Variants in DNAH8 observed in about 807,000 individuals in gnomAD.
The protein encoded by DNAH8 is dynein axonemal heavy chain 8.
DNAH8 carries 382 observed loss-of-function variants against 562.1 expected under a neutral mutation model. That is an observed-to-expected ratio of 0.68 (90% confidence interval 0.63 to 0.74). The LOEUF is 0.74. Among genes scored for constraint, DNAH8 ranks in the 30% least tolerant of loss-of-function variants. The pLI, the probability that DNAH8 is intolerant of heterozygous loss-of-function variation, is 0.00. For missense variants in DNAH8, 5,203 were observed against 5,620.4 expected, an observed-to-expected ratio of 0.93 and a Z score of 2.37; for synonymous variants, 1,881 against 1,919.4, an observed-to-expected ratio of 0.98 and a Z score of 0.52.
chr6:38,897,639 GC>G (rs1387751518), intron 60 of DNAH8, among the ~76,000 whole-genome samples: 1 of 152,108 alleles, frequency 6.6e-6, no homozygotes, highest in Non-Finnish European at 1.5e-5. Context: ...ATAGAGCCGG[GC>G]GAGGTGGTTT....
At chr6:38,999,575 T>C (rs1196247749) in intron 88 of DNAH8, among the ~76,000 whole-genome samples, 1 of 152,058 alleles carries the variant, frequency 6.6e-6, no homozygotes, top group Non-Finnish European at 1.5e-5. Flanking sequence ...TTCTCCTGTG[T>C]TTTGAGGACT....
chr6:38,744,921 G>T (rs1764807659), intron 8 of DNAH8, among the ~76,000 whole-genome samples: 1 of 152,022 alleles, frequency 6.6e-6, no homozygotes, highest in South Asian at 2.1e-4. Context: ...TATATAATAT[G>T]GATATTAATC....
intron 88 of DNAH8, among the ~76,000 whole-genome samples, chr6:38,990,655 A>T (rs542882128): frequency 6.6e-6 from 1 of 152,070 alleles, no homozygotes; most frequent in African/African-American, 2.4e-5. Flanking sequence ...TCCTTTTGTC[A>T]TGCACTGCCT....
At chr6:39,010,377 C>T (rs768260295) in intron 89 of DNAH8, among the ~76,000 whole-genome samples, 26 of 152,046 alleles carry the variant, frequency 1.7e-4, no homozygotes, top group Non-Finnish European at 5.9e-5. Flanking sequence ...AGAATACTAC[C>T]TGGTCCCAGA....
chr6:38,782,939 T>G lies in DNAH8; in HGVS notation c.2260-65T>G, dbSNP rs1768783910. On this transcript the variant is annotated intron_variant, in intron 16 of 92. Transcript: ENST00000327475. Reference sequence around the variant, plus strand: ...GATATCATTTTACATATAAGTACTTTCATTATTTGGATATAAAAACATTCA... The same window carrying G: ...GATATCATTTTACATATAAGTACTTGCATTATTTGGATATAAAAACATTCA... 7.0e-6 allele frequency: 10 copies of G among 1,420,374 alleles called. No individual in the cohort carries two copies. In the South Asian group the frequency reaches 7.4e-5, roughly 11 times the overall value. 88.0% of individuals were successfully genotyped at this position (1,420,374 alleles called of 1,614,324 possible).
intron 79 of DNAH8, among the ~76,000 whole-genome samples, chr6:38,942,201 T>C (rs1783520251): frequency 6.6e-6 from 1 of 152,184 alleles, no homozygotes; most frequent in African/African-American, 2.4e-5. Flanking sequence ...TGATAGTGGC[T>C]GAATGGACAA....
At chr6:38,921,592 T>C in intron 71 of DNAH8, 86 bp downstream of exon 71, 2 of 1,437,964 alleles carry the variant, frequency 1.4e-6, no homozygotes, top group Non-Finnish European at 1.9e-6. Flanking sequence ...GGCAAATGGT[T>C]GTGATGAAAA....
intron 28 of DNAH8, 131 bp from the exon 29 acceptor site, chr6:38,826,025 T>G: frequency 3.3e-6 from 2 of 611,294 alleles, no homozygotes; most frequent in East Asian, 5.6e-5. Flanking sequence ...TAATTCATAC[T>G]AACCACATTT....
At chr6:38,750,847 GA>G (rs1343968290) in intron 9 of DNAH8, among the ~76,000 whole-genome samples, 2 of 152,008 alleles carry the variant, frequency 1.3e-5, no homozygotes, top group Admixed American at 6.6e-5. Flanking sequence ...GTATATTGGG[GA>G]AAAACATCCT....
At chr6:38,876,590 T>TGA (rs1479321978) in intron 53 of DNAH8, among the ~76,000 whole-genome samples, 1 of 152,036 alleles carries the variant, frequency 6.6e-6, no homozygotes, top group Non-Finnish European at 1.5e-5. Flanking sequence ...TGGGAAGAGC[T>TGA]GAGAAGTAAT....
chr6:39,020,501 C>T (rs1250392303), intron 91 of DNAH8, among the ~76,000 whole-genome samples: 1 of 152,118 alleles, frequency 6.6e-6, no homozygotes, highest in African/African-American at 2.4e-5. Flanking sequence ...AGAATCCATA[C>T]AATCAATTTT....
intron 82 of DNAH8, 60 bp from the exon 83 acceptor site, chr6:38,971,532 C>A: frequency 2.0e-6 from 2 of 1,016,658 alleles, no homozygotes; most frequent in Non-Finnish European, 2.8e-6. Context: ...ATTAATTTTT[C>A]ATTCTAATCC....
At chr6:38,959,834 G>C (rs1762494222) in intron 82 of DNAH8, among the ~76,000 whole-genome samples, 1 of 151,044 alleles carries the variant, frequency 6.6e-6, no homozygotes, top group African/African-American at 2.4e-5. Context: ...AAAAAAAAAA[G>C]TTTAAGGCAC....
At chr6:38,906,993 A>C (rs1283260597) in intron 63 of DNAH8, among the ~76,000 whole-genome samples, 2 of 152,230 alleles carry the variant, frequency 1.3e-5, no homozygotes, top group Admixed American at 6.5e-5. Flanking sequence ...GTGCTCAACC[A>C]GTAAGTGAAA....
chr6:38,867,739 T>C (rs929207639), intron 47 of DNAH8, among the ~76,000 whole-genome samples: 12 of 123,028 alleles, frequency 9.8e-5, no homozygotes, highest in African/African-American at 3.9e-4. Context: ...GATGACAGAG[T>C]GAGACTCCAT....
At chr6:38,722,615 T>C (rs1762849339) in intron 1 of DNAH8, among the ~76,000 whole-genome samples, 161 bp from the exon 2 acceptor site, 4 of 151,498 alleles carry the variant, frequency 2.6e-5, no homozygotes, top group African/African-American at 9.8e-5. Context: ...CTGTCCTCAC[T>C]AAAAATATCA....
chr6:39,026,840 T>G (rs1767322530), intron 92 of DNAH8, among the ~76,000 whole-genome samples, 173 bp downstream of exon 92: 1 of 151,992 alleles, frequency 6.6e-6, no homozygotes, highest in African/African-American at 2.4e-5. Flanking sequence ...TCTGCCAGAG[T>G]GGAAGATTAA....
chr6:38,923,644 A>G, intron 72 of DNAH8: 1 of 209,414 alleles, frequency 4.8e-6, no homozygotes, highest in Non-Finnish European at 9.4e-6. Flanking sequence ...ATAAAAAAAT[A>G]AAAAGGGAGG....
chr6:38,985,836 A>G (rs932321266), intron 87 of DNAH8, among the ~76,000 whole-genome samples: 2 of 152,214 alleles, frequency 1.3e-5, no homozygotes, highest in African/African-American at 4.8e-5. Context: ...TGGCTGAAGC[A>G]GCTGCCTCCT....
Sources: allele counts gnomAD v4.1 joint callset (sites outside exome capture counted in the v4.1 genomes callset), GRCh38; gene constraint gnomAD v4.1.1; transcripts MANE v1.5; gene names NCBI Gene and HGNC (gene_info 2026-07-23, HGNC 2026-07-21).